The following FHIT variants were observed in gnomAD, a reference collection of about 807,000 sequenced individuals.
The protein encoded by FHIT is fragile histidine triad diadenosine triphosphatase.
FHIT carries 19 observed loss-of-function variants against 17.9 expected under a neutral mutation model. That is an observed-to-expected ratio of 1.06 (90% CI 0.74 to 1.56). FHIT has a LOEUF of 1.56. Ranked by LOEUF, FHIT falls within the 40% of genes most tolerant of loss-of-function variation. The probability of loss-of-function intolerance (pLI) is 0.00; values close to 1 mark genes in which losing one functional copy is unlikely to be tolerated. For synonymous variants in FHIT, 81 were observed against 69.7 expected, an observed-to-expected ratio of 1.16 and a Z score of -0.81; for missense variants, 248 against 189.2, an observed-to-expected ratio of 1.31 and a Z score of -1.82.
chr3:59,970,811 C>G (rs577733462), intron 7 of FHIT, among the ~76,000 whole-genome samples: 2 of 148,602 alleles, frequency 1.3e-5, no homozygotes, highest in Non-Finnish European at 3.0e-5. Context: ...GCTTGGGATG[C>G]AAAAACCTGC....
intron 5 of FHIT, among the ~76,000 whole-genome samples, chr3:60,178,901 G>A (rs992186154): frequency 1.3e-4 from 20 of 152,120 alleles, no homozygotes; most frequent in East Asian, 3.9e-4. Flanking sequence ...CTCCTAAAGC[G>A]TTTTAGCTTG....
intron 5 of FHIT, among the ~76,000 whole-genome samples, chr3:60,517,028 C>T (rs1435170226): frequency 1.3e-5 from 2 of 152,154 alleles, no homozygotes; most frequent in Non-Finnish European, 2.9e-5. Context: ...TCACATCAGA[C>T]AGGGGAAATT....
intron 5 of FHIT, among the ~76,000 whole-genome samples, chr3:60,461,889 A>G (rs182413917): frequency 6.6e-6 from 1 of 152,156 alleles, no homozygotes; most frequent in Non-Finnish European, 1.5e-5. Flanking sequence ...AATTGATTTT[A>G]AAAAAAGGGA....
intron 4 of FHIT, among the ~76,000 whole-genome samples, chr3:60,712,958 A>G (rs1553705554): frequency 1.3e-5 from 2 of 150,706 alleles, no homozygotes; most frequent in African/African-American, 4.9e-5. Flanking sequence ...CTCCAACTCA[A>G]ATCAACAGAA....
At chr3:60,432,569 A>G (rs928263456) in intron 5 of FHIT, among the ~76,000 whole-genome samples, 8 of 152,130 alleles carry the variant, frequency 5.3e-5, no homozygotes, top group African/African-American at 1.9e-4. Flanking sequence ...GCTTATCAGT[A>G]CTTCATAAGC....
chr3:60,641,707 C>A (rs2039729054), intron 4 of FHIT, among the ~76,000 whole-genome samples: 1 of 152,094 alleles, frequency 6.6e-6, no homozygotes, highest in South Asian at 2.1e-4. Flanking sequence ...CTAGTTATCT[C>A]CATCTGAAGC....
At chr3:60,808,745 T>C (rs1427136476) in intron 4 of FHIT, among the ~76,000 whole-genome samples, 1 of 152,226 alleles carries the variant, frequency 6.6e-6, no homozygotes. Context: ...CCTTATCATA[T>C]TGGCTACAAC....
At chr3:59,825,995 T>A (rs759197060) in intron 8 of FHIT, among the ~76,000 whole-genome samples, 3 of 152,238 alleles carry the variant, frequency 2.0e-5, no homozygotes, top group Non-Finnish European at 4.4e-5. Flanking sequence ...TATTGACAGC[T>A]GAAACTCACT....
intron 5 of FHIT, among the ~76,000 whole-genome samples, chr3:60,497,781 C>T (rs1487407881): frequency 6.6e-6 from 1 of 152,168 alleles, no homozygotes; most frequent in Non-Finnish European, 1.5e-5. Flanking sequence ...TGATCTAGAA[C>T]AGTGGGCTTG....
intron 3 of FHIT, among the ~76,000 whole-genome samples, chr3:60,876,745 G>A (rs1386363043): frequency 6.6e-6 from 1 of 152,158 alleles, no homozygotes; most frequent in Non-Finnish European, 1.5e-5. Context: ...TGGCTCACTA[G>A]AAACTCCAGC....
At chr3:60,653,503 A>G (rs7648833) in intron 4 of FHIT, among the ~76,000 whole-genome samples, 45,277 of 121,966 alleles carry the variant, frequency 0.37, 7,516 homozygotes, top group East Asian at 0.77. Context: ...ACAATAAGAA[A>G]AAAAGAAACT....
chr3:59,962,647 CAT>C (rs945970538), intron 7 of FHIT, among the ~76,000 whole-genome samples: 7 of 152,128 alleles, frequency 4.6e-5, no homozygotes, highest in African/African-American at 1.7e-4. Flanking sequence ...TCTTCCTTTC[CAT>C]TGTTAAGGAG....
intron 5 of FHIT, among the ~76,000 whole-genome samples, chr3:60,033,014 C>T (rs577808328): frequency 6.6e-6 from 1 of 152,156 alleles, no homozygotes; most frequent in South Asian, 2.1e-4. Context: ...TACAGGACAA[C>T]TGACTCAGTT....
At chr3:59,871,943 T>C (rs1433811106) in intron 8 of FHIT, among the ~76,000 whole-genome samples, 1 of 152,194 alleles carries the variant, frequency 6.6e-6, no homozygotes. Context: ...AATACACATC[T>C]AAACAGCGGT....
At chr3:60,025,982 A>G (rs1700726406) in intron 5 of FHIT, among the ~76,000 whole-genome samples, 1 of 152,212 alleles carries the variant, frequency 6.6e-6, no homozygotes, top group Non-Finnish European at 1.5e-5. Context: ...ATGCAAATAT[A>G]GCTCAGCATT....
intron 2 of FHIT, among the ~76,000 whole-genome samples, chr3:61,152,360 TA>T (rs2037419135): frequency 6.6e-6 from 1 of 152,246 alleles, no homozygotes; most frequent in Non-Finnish European, 1.5e-5. Flanking sequence ...CTTTTGCTGA[TA>T]AAAAGGCTAA....
At chr3:61,190,316 A>T (rs1388105332) in intron 2 of FHIT, among the ~76,000 whole-genome samples, 1 of 152,258 alleles carries the variant, frequency 6.6e-6, no homozygotes, top group African/African-American at 2.4e-5. Context: ...TGCAGCCAAA[A>T]GACACATGAA....
chr3:59,996,435 G>A (rs1361245502), intron 7 of FHIT, among the ~76,000 whole-genome samples: 3 of 152,054 alleles, frequency 2.0e-5, no homozygotes, highest in African/African-American at 7.2e-5. Context: ...AGCAGTCCAT[G>A]GGTAAGCCTC....
chr3:59,832,218 G>A (rs1410565350), intron 8 of FHIT, among the ~76,000 whole-genome samples: 2 of 152,104 alleles, frequency 1.3e-5, no homozygotes, highest in African/African-American at 4.8e-5. Flanking sequence ...ATTGAGTACT[G>A]TCCCTCAGTT....
Sources: allele counts gnomAD v4.1 joint callset (sites outside exome capture counted in the v4.1 genomes callset), GRCh38; gene constraint gnomAD v4.1.1; transcripts MANE v1.5; gene names NCBI Gene and HGNC (gene_info 2026-07-23, HGNC 2026-07-21).